ADAMTS18: variants seen among roughly 807,000 people sequenced by gnomAD.
ADAMTS18 encodes the protein A disintegrin and metalloproteinase with thrombospondin motifs 18.
In ADAMTS18, 157 loss-of-function variants were observed where a neutral mutation model predicts 165.9. The ratio of observed to expected loss-of-function variants is 0.95; its 90% CI spans 0.83 to 1.08. The LOEUF (loss-of-function observed/expected upper bound fraction) is 1.08, where lower values mean the gene tolerates loss of function less well. Ranked by LOEUF, ADAMTS18 falls within the 50% of genes least tolerant of loss-of-function variation. The pLI is 0.00. For missense variants in ADAMTS18, 2,040 were observed against 1,534.0 expected, an observed-to-expected ratio of 1.33 and a Z score of -5.51; for synonymous variants, 782 against 578.2, an observed-to-expected ratio of 1.35 and a Z score of -5.06.
In ADAMTS18 at chr16:77,396,366, T is replaced by C. The variant is rs147401137; in HGVS notation, c.496-28643A>G. Among the ~76,000 whole-genome samples the C allele has an allele frequency of 2.0e-5, 3 of 152,306 alleles. No individual in the cohort carries two copies. The East Asian group carries it at 5.8e-4, about 29-fold the overall frequency. On this transcript the variant is annotated intron_variant, in intron 3 of 22. Transcript: ENST00000282849. The stretch of plus-strand genomic sequence containing the variant: ...CAATATGGCTTCAAACTGCTGTAAA[T>C]TTAAAACAGATCACAGCCTTTCTAC...
rs2055961626 is a variant in ADAMTS18 at position 77,319,949 on chromosome 16, T to C, written c.2432A>G (p.Glu811Gly). Residue 811 changes from glutamate (E) to glycine (G), a missense_variant, in exon 16 of 23, where the codon GAG becomes GGG. Physicochemically the swap from Glu to Gly is moderately conservative, Grantham distance 98. Transcript: ENST00000282849. ...AAACGTGGTCCCAGCGAAGGGGAAC[T>C]CCCCAGGCCAGTCGATGCTCCAGCC... ...TGGWSIDWPG[E>G]FPFAGTTFEY... is the part of the protein sequence containing the mutation. 6.2e-7 allele frequency: 1 copy of C among 1,614,140 alleles called. No homozygotes were observed. Among genetic ancestry groups the C allele is most frequent in the Non-Finnish European group, 8.5e-7 (1 of 1,180,014 alleles).
At chr16:77,374,737 C>T (rs757095532) in intron 3 of ADAMTS18, among the ~76,000 whole-genome samples, 1 of 152,120 alleles carries the variant, frequency 6.6e-6, no homozygotes, top group African/African-American at 2.4e-5. Context: ...ATAGAGAAAA[C>T]TTCCACACTG....
chr16:77,400,458 G>GTC (rs1372601142), intron 3 of ADAMTS18, among the ~76,000 whole-genome samples: 36 of 46,498 alleles, frequency 7.7e-4, no homozygotes, highest in South Asian at 1.2e-3. Flanking sequence ...GTGTGTGTCT[G>GTC]TGTGTGTGTG....
chr16:77,345,336 T>G (rs571460027), intron 10 of ADAMTS18, among the ~76,000 whole-genome samples: 9 of 152,328 alleles, frequency 5.9e-5, no homozygotes, highest in Admixed American at 5.2e-4. Flanking sequence ...ACCTCTATAT[T>G]CCCATTGGTT....
At position 77,363,509 on chromosome 16, in the gene ADAMTS18, T is replaced by C. The variant is rs546735208; in HGVS notation, c.1056+293A>G. 6.1e-5 allele frequency among the ~76,000 whole-genome samples: 9 copies of C among 147,094 alleles called. No individual in the cohort carries two copies. The East Asian group carries it at 1.5e-3, about 24-fold the overall frequency. On this transcript the variant is annotated intron_variant, in intron 6 of 22. Transcript: ENST00000282849. ...AGATTTATTTTATGTAACATATTTA[T>C]ATTTCATATTTTTATTTATATTATC... is the stretch of plus-strand genomic sequence containing the variant.
intron 11 of ADAMTS18, 136 bp from the exon 12 acceptor site, chr16:77,336,040 C>G: frequency 9.5e-7 from 1 of 1,055,794 alleles, no homozygotes; most frequent in South Asian, 1.3e-5. Flanking sequence ...TTGATAAATT[C>G]CTCTGCTGTG....
At chr16:77,378,356 A>G (rs2914510) in intron 3 of ADAMTS18, among the ~76,000 whole-genome samples, 1 of 148,482 alleles carries the variant, frequency 6.7e-6, no homozygotes, top group African/African-American at 2.4e-5. Flanking sequence ...AAAACAAAAA[A>G]AAAAAAAACC....
chr16:77,382,163 C>T (rs1002195919), intron 3 of ADAMTS18, among the ~76,000 whole-genome samples: 1 of 152,188 alleles, frequency 6.6e-6, no homozygotes, highest in Non-Finnish European at 1.5e-5. Flanking sequence ...TTCCCAGCCC[C>T]TGAGATAGCC....
chr16:77,352,538 G>A (rs2056570610), intron 10 of ADAMTS18, among the ~76,000 whole-genome samples: 1 of 152,158 alleles, frequency 6.6e-6, no homozygotes, highest in African/African-American at 2.4e-5. Flanking sequence ...TGAAGATTGA[G>A]GTAAAGTAAA....
chr16:77,292,826 AC>A (rs995936268), intron 20 of ADAMTS18, among the ~76,000 whole-genome samples: 20 of 151,186 alleles, frequency 1.3e-4, no homozygotes, highest in African/African-American at 4.9e-4. Context: ...TCCAGCAGTG[AC>A]TTTTTTTTTT....
intron 13 of ADAMTS18, among the ~76,000 whole-genome samples, chr16:77,323,560 T>G (rs1439482775): frequency 6.8e-6 from 1 of 147,650 alleles, no homozygotes; most frequent in Admixed American, 6.8e-5. Flanking sequence ...AAAGTTCCTT[T>G]TTTTTTTTTT....
intron 3 of ADAMTS18, among the ~76,000 whole-genome samples, chr16:77,382,092 C>T (rs1440810708): frequency 6.6e-6 from 1 of 152,150 alleles, no homozygotes; most frequent in African/African-American, 2.4e-5. Flanking sequence ...ATCCTGAATG[C>T]CAGAGATACT....
intron 10 of ADAMTS18, among the ~76,000 whole-genome samples, chr16:77,343,721 A>G (rs1245237433): frequency 6.6e-6 from 1 of 152,170 alleles, no homozygotes. Context: ...TCAGTTTTCT[A>G]GTCTATAAAG....
At chr16:77,346,135 T>C (rs1228589937) in intron 10 of ADAMTS18, among the ~76,000 whole-genome samples, 1 of 152,206 alleles carries the variant, frequency 6.6e-6, no homozygotes, top group East Asian at 1.9e-4. Context: ...AAATTTCACC[T>C]CCTGTGACCT....
At chr16:77,303,104 T>C (rs991367978) in intron 16 of ADAMTS18, among the ~76,000 whole-genome samples, 2 of 152,224 alleles carry the variant, frequency 1.3e-5, no homozygotes, top group Non-Finnish European at 1.5e-5. Flanking sequence ...CAGGATGCCC[T>C]GTCCTGGCTC....
Position 77,291,364 on chromosome 16 carries a change from G to A in ADAMTS18, c.3304C>T (p.Pro1102Ser), listed in dbSNP as rs749313275. Reference sequence around the variant, plus strand: ...CAGGTCTCTTCCAAGTCCAGATTTGGTTTCTTAATATTACGGCATCTTCGC... The same window carrying A: ...CAGGTCTCTTCCAAGTCCAGATTTGATTTCTTAATATTACGGCATCTTCGC... ...PERRCRNIKK[P>S]NLDLEETCNR... Residue 1102 changes from proline (P) to serine (S), a missense_variant, in exon 21 of 23, where the codon CCA becomes TCA. By Grantham distance (74) the Pro-to-Ser change is moderately conservative. Transcript: ENST00000282849. 6.2e-7 allele frequency: 1 copy of A among 1,614,196 alleles called. No homozygotes were observed. Among genetic ancestry groups the A allele is most frequent in the South Asian group, 1.1e-5 (1 of 91,086 alleles).
intron 3 of ADAMTS18, among the ~76,000 whole-genome samples, chr16:77,392,508 A>G (rs1318240735): frequency 6.6e-6 from 1 of 152,140 alleles, no homozygotes; most frequent in African/African-American, 2.4e-5. Flanking sequence ...AACACCCTGT[A>G]TGAAATCTCC....
chr16:77,313,693 C>T (rs1256090428), intron 16 of ADAMTS18, among the ~76,000 whole-genome samples: 2 of 152,134 alleles, frequency 1.3e-5, no homozygotes, highest in Non-Finnish European at 2.9e-5. Flanking sequence ...CCCCTGTTTC[C>T]CTATTCAGGT....
intron 16 of ADAMTS18, among the ~76,000 whole-genome samples, chr16:77,308,295 C>T (rs1230347548): frequency 2.0e-4 from 31 of 152,192 alleles, no homozygotes; most frequent in Non-Finnish European, 1.5e-5. Context: ...CATACTGAAT[C>T]ACTTTGTTTA....
Sources: gnomAD v4.1 joint callset for allele counts (sites outside exome capture counted in the v4.1 genomes callset) on GRCh38, gnomAD v4.1.1 for gene constraint, MANE v1.5 for transcripts, NCBI Gene and HGNC (gene_info 2026-07-23, HGNC 2026-07-21) for gene names.